Variants in TRAPPC9 observed in about 807,000 individuals in gnomAD.
TRAPPC9 encodes the protein IKK2 binding protein.
A neutral mutation model predicts 124.0 loss-of-function variants in TRAPPC9; 83 were observed. The ratio of observed to expected loss-of-function variants is 0.67; its 90% CI spans 0.56 to 0.80. The LOEUF is 0.80. Among genes scored for constraint, TRAPPC9 ranks in the 30% least tolerant of loss-of-function variants. TRAPPC9 has a pLI of 0.00. For synonymous variants in TRAPPC9, 638 were observed against 617.5 expected, an observed-to-expected ratio of 1.03 and a Z score of -0.49; for missense variants, 1,302 against 1,508.3, an observed-to-expected ratio of 0.86 and a Z score of 2.27.
intron 21 of TRAPPC9, among the ~76,000 whole-genome samples, chr8:139,794,609 C>T (rs1822920969): frequency 6.6e-6 from 1 of 152,172 alleles, no homozygotes; most frequent in East Asian, 1.9e-4. Context: ...ACTGTGTGCT[C>T]CCCCAGGGCA....
At chr8:140,032,413 C>G (rs575749764) in intron 17 of TRAPPC9, among the ~76,000 whole-genome samples, 1 of 152,068 alleles carries the variant, frequency 6.6e-6, no homozygotes, top group Non-Finnish European at 1.5e-5. Flanking sequence ...TCCTCCCCCC[C>G]CACCCTCCTC....
At chr8:140,051,811 T>G (rs759490053) in intron 17 of TRAPPC9, among the ~76,000 whole-genome samples, 1 of 152,120 alleles carries the variant, frequency 6.6e-6, no homozygotes, top group Non-Finnish European at 1.5e-5. Context: ...AGAGGACTAA[T>G]GAGAAGAGCA....
At chr8:140,359,905 G>C (rs2067889995) in intron 9 of TRAPPC9, 145 bp downstream of exon 9, 1 of 1,159,036 alleles carries the variant, frequency 8.6e-7, no homozygotes, top group Admixed American at 1.9e-5. Flanking sequence ...GCCAAGGCAT[G>C]GGGCAGGGAC....
chr8:139,981,882 G>A (rs940244514), intron 19 of TRAPPC9, among the ~76,000 whole-genome samples: 2 of 152,200 alleles, frequency 1.3e-5, no homozygotes, highest in Non-Finnish European at 2.9e-5. Flanking sequence ...AGATCCTGCC[G>A]GCGGTCCATC....
rs539322544 is a variant in TRAPPC9 at position 139,988,147 on chromosome 8, C to T, written c.2810+579G>A. On this transcript the variant is annotated intron_variant, in intron 19 of 22. Coordinates refer to ENST00000438773, the MANE Select transcript of TRAPPC9 (RefSeq NM_001160372.4). ...TTTTTGAGGCGGAGTCTCGCTCTGT[C>T]GCCCAGGCTGGAGTACGGTGGTACG... 1.1e-3 allele frequency among the ~76,000 whole-genome samples: 156 copies of T among 143,000 alleles called. 1 individual carries two copies. Among genetic ancestry groups the T allele is most frequent in the African/African-American group, 3.6e-3 (135 of 37,938 alleles). 93.8% of individuals were successfully genotyped at this position (143,000 alleles called of 152,430 possible).
chr8:140,355,571 AAG>A, intron 9 of TRAPPC9, among the ~76,000 whole-genome samples: 1 of 152,328 alleles, frequency 6.6e-6, no homozygotes, highest in South Asian at 2.1e-4. Context: ...AAAAGAGAAA[AAG>A]AAAAAAAAAG....
intron 18 of TRAPPC9, among the ~76,000 whole-genome samples, chr8:140,018,864 C>T (rs570108545): frequency 1.2e-4 from 16 of 137,074 alleles, no homozygotes; most frequent in East Asian, 4.4e-4. Context: ...ATAATGAATA[C>T]GGTGGAAACG....
intron 21 of TRAPPC9, among the ~76,000 whole-genome samples, chr8:139,804,315 CCCA>C (rs1415833359): frequency 7.1e-6 from 1 of 140,956 alleles, no homozygotes; most frequent in East Asian, 2.2e-4. Flanking sequence ...ACCACCACCA[CCCA>C]CCACCGCCAC....
chr8:140,218,938 T>C (rs1043905173), intron 17 of TRAPPC9, among the ~76,000 whole-genome samples: 5 of 150,986 alleles, frequency 3.3e-5, no homozygotes, highest in African/African-American at 1.2e-4. Context: ...CCAGCCTAGG[T>C]GACAGAACGA....
chr8:139,736,389 T>A (rs1818165534), intron 21 of TRAPPC9, among the ~76,000 whole-genome samples: 1 of 152,072 alleles, frequency 6.6e-6, no homozygotes, highest in African/African-American at 2.4e-5. Context: ...CCGACCAAAT[T>A]AATGCATTTC....
At chr8:140,095,326 G>C (rs528671866) in intron 17 of TRAPPC9, 1 of 152,402 alleles carries the variant, frequency 6.6e-6, no homozygotes, top group African/African-American at 2.4e-5. Context: ...GGCTGGGACA[G>C]AGAATGGCAA....
At chr8:139,843,881 G>A (rs1043847768) in intron 21 of TRAPPC9, among the ~76,000 whole-genome samples, 2 of 152,234 alleles carry the variant, frequency 1.3e-5, no homozygotes. Context: ...CCATGTGCAC[G>A]CTGATTCACC....
At chr8:139,833,281 A>AG (rs1331107871) in intron 21 of TRAPPC9, among the ~76,000 whole-genome samples, 7 of 152,186 alleles carry the variant, frequency 4.6e-5, no homozygotes, top group Non-Finnish European at 7.4e-5. Context: ...CCCTTCCCCC[A>AG]GCCGACTTCC....
chr8:140,154,410 A>G (rs907379296), intron 17 of TRAPPC9, among the ~76,000 whole-genome samples: 2 of 152,110 alleles, frequency 1.3e-5, no homozygotes, highest in Non-Finnish European at 2.9e-5. Context: ...CTCCCCATCC[A>G]GCAGCTGGGG....
chr8:139,886,050 T>G, intron 20 of TRAPPC9, 81 bp from the exon 21 acceptor site: 1 of 1,350,190 alleles, frequency 7.4e-7, no homozygotes, highest in Non-Finnish European at 1.0e-6. Context: ...ACAGAGACCC[T>G]CAGATGGGAA....
At chr8:139,808,139 T>A (rs115319437) in intron 21 of TRAPPC9, among the ~76,000 whole-genome samples, 1 of 152,218 alleles carries the variant, frequency 6.6e-6, no homozygotes, top group Non-Finnish European at 1.5e-5. Context: ...ACATACTTCA[T>A]GTACCATGCA....
chr8:140,145,895 T>C (rs1444506146), intron 17 of TRAPPC9, among the ~76,000 whole-genome samples: 1 of 152,194 alleles, frequency 6.6e-6, no homozygotes, highest in Non-Finnish European at 1.5e-5. Flanking sequence ...CCTAAGTCTT[T>C]TTGCTGGCAA....
intron 9 of TRAPPC9, among the ~76,000 whole-genome samples, chr8:140,322,713 G>C (rs1021705177): frequency 6.6e-6 from 1 of 152,008 alleles, no homozygotes; most frequent in Non-Finnish European, 1.5e-5. Context: ...GTGTGCACCT[G>C]TATTCCCAAC....
intron 17 of TRAPPC9, among the ~76,000 whole-genome samples, chr8:140,028,443 G>A (rs954835223): frequency 6.6e-5 from 10 of 152,194 alleles, no homozygotes; most frequent in East Asian, 5.8e-4. Context: ...TGCACTGAGT[G>A]ACTTACACAC....
Sources: gnomAD v4.1 joint callset for allele counts (sites outside exome capture counted in the v4.1 genomes callset) on GRCh38, gnomAD v4.1.1 for gene constraint, MANE v1.5 for transcripts, NCBI Gene and HGNC (gene_info 2026-07-23, HGNC 2026-07-21) for gene names.